Variants in HDGF observed in about 807,000 individuals in gnomAD.
HDGF encodes hepatoma-derived growth factor.
In HDGF, 5 loss-of-function variants were observed where a neutral mutation model predicts 30.0. That is an observed-to-expected ratio of 0.17 (90% CI 0.09 to 0.35). HDGF has a LOEUF of 0.35. Among genes scored for constraint, HDGF ranks in the 10% least tolerant of loss-of-function variants. The probability of loss-of-function intolerance (pLI) is 1.00; values close to 1 mark genes in which losing one functional copy is unlikely to be tolerated. For synonymous variants in HDGF, 133 were observed against 112.7 expected, an observed-to-expected ratio of 1.18 and a Z score of -1.14; for missense variants, 214 against 302.8, an observed-to-expected ratio of 0.71 and a Z score of 2.18.
At position 156,744,299 on chromosome 1, in the gene HDGF, G is replaced by A. The variant is rs145403460; in HGVS notation, c.353C>T (p.Ala118Val). 1.2e-6 allele frequency: 2 copies of A among 1,614,054 alleles called. No individual in the cohort carries two copies. The highest frequency in any genetic ancestry group is 2.7e-5 in the African/African-American group (2 of 74,918). ...CTTCTTATCACCGTCACCCTCTGCA[G>A]CTTCGGGCTCTGGTTCAGGCTCTTC... ...CVEEPEPEPEAAEGDGDKKGN... is the reference protein window; with the variant it reads ...CVEEPEPEPEVAEGDGDKKGN... Residue 118 changes from alanine to valine, a missense_variant, in exon 4 of 6, where the codon GCT (alanine) becomes GTT (valine). Coordinates refer to ENST00000357325, the MANE Select transcript of HDGF (RefSeq NM_004494.3).
At position 156,744,409 on chromosome 1, in the gene HDGF, C is replaced by T. The variant is rs751682974; in HGVS notation, c.304-61G>A. ...TCGCTGCCATGCTGGGCCCCCTCCC[C>T]AGACCCTCCCTCAGCCACTCACTCC... is the stretch of plus-strand genomic sequence containing the variant. On this transcript the variant is annotated intron_variant, in intron 3 of 5. Transcript: ENST00000357325. The T allele has an allele frequency of 1.2e-5, 19 of 1,599,404 alleles. No individual in the cohort carries two copies. The South Asian group carries it at 2.0e-4, about 17-fold the overall frequency.
At chr1:156,751,906 G>A (rs970143832), upstream of HDGF, 11 of 1,019,818 alleles carry the variant, frequency 1.1e-5, no homozygotes, top group African/African-American at 1.7e-5. This position sits in a 1 kb window ranked among gnomAD's most constrained non-coding sequence, Gnocchi z 4.7. Context: ...CAGGCATAAG[G>A]AGCCGATCGC....
chr1:156,758,919 G>C (rs1651198472), intron 2 of HDGF: 1 of 152,456 alleles, frequency 6.6e-6, no homozygotes, highest in African/African-American at 2.4e-5. Flanking sequence ...GAGGTGGAAG[G>C]GCCTGAAGTT....
At chr1:156,745,498 G>T in intron 1 of HDGF, 125 bp from the exon 2 acceptor site, 1 of 755,584 alleles carries the variant, frequency 1.3e-6, no homozygotes, top group South Asian at 1.8e-5. Context: ...TAGTCAGCAA[G>T]ATGGCTTTTG....
chr1:156,761,466 C>T (rs377613910), intron 1 of HDGF, among the ~76,000 whole-genome samples: 1 of 147,540 alleles, frequency 6.8e-6, no homozygotes, highest in Non-Finnish European at 1.5e-5. Flanking sequence ...AAAACTAGCC[C>T]GGCGTGGTGG....
upstream of HDGF, among the ~76,000 whole-genome samples, chr1:156,757,136 T>C (rs1338927134): frequency 6.6e-6 from 1 of 152,020 alleles, no homozygotes; most frequent in Non-Finnish European, 1.5e-5. Context: ...AGAGTTATTC[T>C]CTAAGTCTCT....
chr1:156,749,609 T>G (rs900244710), intron 1 of HDGF, among the ~76,000 whole-genome samples: 1 of 152,194 alleles, frequency 6.6e-6, no homozygotes, highest in African/African-American at 2.4e-5. Context: ...CCTTCTGTCC[T>G]GGAGGCCCAA....
At chr1:156,748,226 G>A (rs765404791) in intron 1 of HDGF, among the ~76,000 whole-genome samples, 2 of 152,180 alleles carry the variant, frequency 1.3e-5, no homozygotes, top group Admixed American at 6.5e-5. Flanking sequence ...CCCAAAAGAG[G>A]AGAAATCCCT....
In HDGF at chr1:156,742,533, T is replaced by C. The variant is rs1425444752; in HGVS notation, c.*916A>G. The C allele has an allele frequency of 6.5e-6, 1 of 152,728 alleles. No homozygotes were observed. Among genetic ancestry groups the C allele is most frequent in the African/African-American group, 2.4e-5 (1 of 41,414 alleles). The allele number at this position is 152,728 out of a possible 1,614,324, so 9.5% of individuals were successfully genotyped here. A position where few individuals can be genotyped will look rare whatever the true frequency, so the allele number is the denominator to read the frequency against. ...GGTTAGGGGTCTTTAAAATTTTTTTTTGTAATTTTCTTTTATTAAAAACAT... is the reference window on the plus strand; with the variant it reads ...GGTTAGGGGTCTTTAAAATTTTTTTCTGTAATTTTCTTTTATTAAAAACAT... On this transcript the variant is annotated 3_prime_UTR_variant, in exon 6 of 6. Transcript: ENST00000357325.
At chr1:156,751,913 T>A, upstream of HDGF, 1 of 1,038,920 alleles carries the variant, frequency 9.6e-7, no homozygotes. This position sits in a 1 kb window ranked among gnomAD's most constrained non-coding sequence, Gnocchi z 4.7. Context: ...AAGGAGCCGA[T>A]CGCCGAGCAC....
At chr1:156,757,122 T>G (rs1558039320), upstream of HDGF, among the ~76,000 whole-genome samples, 1 of 151,848 alleles carries the variant, frequency 6.6e-6, no homozygotes, top group South Asian at 2.1e-4. Context: ...AAGGGAAAAT[T>G]ATAAGAGTTA....
chr1:156,756,326 T>C (rs542815850), upstream of HDGF, among the ~76,000 whole-genome samples: 4 of 152,338 alleles, frequency 2.6e-5, no homozygotes, highest in South Asian at 8.3e-4. Flanking sequence ...TAAAATTGGT[T>C]ATCACTGTAT....
chr1:156,759,527 G>GCTGGA (rs1288980931), intron 1 of HDGF, among the ~76,000 whole-genome samples: 70 of 143,202 alleles, frequency 4.9e-4, no homozygotes, highest in South Asian at 1.6e-3. Flanking sequence ...TGTCACCCAG[G>GCTGGA]CTGGAGTGCA....
intron 4 of HDGF, 97 bp downstream of exon 4, chr1:156,744,064 CCT>C: frequency 7.8e-7 from 1 of 1,289,344 alleles, no homozygotes; most frequent in African/African-American, 1.5e-5. Context: ...GCTGGATCGA[CCT>C]CTCAGACTGG....
Position 156,745,188 on chromosome 1 carries a change from C to G in HDGF, c.165-42G>C. ...GACTGTGCTCTCAAGCCCCTCACTG[C>G]CCCTGAGCTGCACAGCCCGGCATGA... On this transcript the variant is annotated intron_variant, in intron 2 of 5. Transcript: ENST00000357325. 1.9e-6 allele frequency: 3 copies of G among 1,613,436 alleles called. No individual in the cohort carries two copies. The South Asian group carries it at 3.3e-5, about 18-fold the overall frequency.
At chr1:156,746,897 G>A (rs78365002) in intron 1 of HDGF, among the ~76,000 whole-genome samples, 17,807 of 152,132 alleles carry the variant, frequency 0.12, 1,426 homozygotes, top group Admixed American at 0.22. Flanking sequence ...CCAACTGGGG[G>A]CCTGGGGAGA....
Position 156,742,165 on chromosome 1 carries a change from T to TA in HDGF, c.*1283dup, listed in dbSNP as rs1425426507. On this transcript the variant is annotated 3_prime_UTR_variant, in exon 6 of 6. Coordinates refer to ENST00000357325, the MANE Select transcript of HDGF (RefSeq NM_004494.3). Reference sequence around the variant, plus strand: ...TGAAATCATCTACGGTTCTCAGAGCTAAACTTCCAAAGCTACAGTCAGCAA... The same window carrying TA: ...TGAAATCATCTACGGTTCTCAGAGCTAAAACTTCCAAAGCTACAGTCAGCAA... 6.5e-6 allele frequency: 1 copy of TA among 152,694 alleles called. No individual in the cohort carries two copies. Among genetic ancestry groups the TA allele is most frequent in the African/African-American group, 2.4e-5 (1 of 41,452 alleles). The allele number at this position is 152,694 out of a possible 1,614,324, so 9.5% of individuals were successfully genotyped here.
At position 156,743,273 on chromosome 1, in the gene HDGF, C is replaced by T; in HGVS notation, c.*176G>A. On this transcript the variant is annotated 3_prime_UTR_variant, in exon 6 of 6. Transcript: ENST00000357325. Reference sequence around the variant, plus strand: ...GACCTAGAGGTGAGAGCCAGGTGGCCTGCCCCATCCAGGTCAATCTCCATG... The same window carrying T: ...GACCTAGAGGTGAGAGCCAGGTGGCTTGCCCCATCCAGGTCAATCTCCATG... 1 of 639,164 alleles carries T rather than the reference C, an allele frequency of 1.6e-6. No homozygotes were observed. Among genetic ancestry groups the T allele is most frequent in the Non-Finnish European group, 2.7e-6 (1 of 371,366 alleles). The allele number at this position is 639,164 out of a possible 1,614,324, so 39.6% of individuals were successfully genotyped here.
At chr1:156,752,567 GTGATGAC>G (rs367791917), upstream of HDGF, 19 of 593,362 alleles carry the variant, frequency 3.2e-5, no homozygotes, top group African/African-American at 2.6e-4. Context: ...CTTCACAAAG[GTGATGAC>G]TGAACTGGGC....
Sources: gnomAD v4.1 joint callset for allele counts (sites outside exome capture counted in the v4.1 genomes callset) on GRCh38, gnomAD v4.1.1 for gene constraint, Gnocchi (gnomAD v3.1) non-coding constraint, MANE v1.5 for transcripts, NCBI Gene and HGNC (gene_info 2026-07-23, HGNC 2026-07-21) for gene names.